Variants in ADGRL3 observed in about 807,000 individuals in gnomAD.
ADGRL3 encodes calcium-independent alpha-latrotoxin receptor 3.
In ADGRL3, 62 loss-of-function variants were observed where a neutral mutation model predicts 153.5. The ratio of observed to expected loss-of-function variants is 0.40; its 90% CI spans 0.33 to 0.50. ADGRL3 has a LOEUF of 0.50. Among genes scored for constraint, ADGRL3 ranks in the 20% least tolerant of loss-of-function variants. The pLI is 0.47. For missense variants in ADGRL3, 1,641 were observed against 1,859.4 expected (o/e 0.88, Z 2.16); for synonymous variants, 710 against 672.5 (o/e 1.06, Z -0.86).
chr4:61,775,837 C>A, intron 8 of ADGRL3: 1 of 545,760 alleles, frequency 1.8e-6, no homozygotes. Context: ...AGCAGCAATA[C>A]CTTCCTCGGC....
At chr4:61,259,279 C>T (rs1018812254) in intron 1 of ADGRL3, among the ~76,000 whole-genome samples, 3 of 151,886 alleles carry the variant, frequency 2.0e-5, no homozygotes, top group Admixed American at 6.6e-5. Context: ...AAAAATTAGC[C>T]GGGCGTGGTG....
At chr4:61,505,298 A>AT (rs1333355821) in intron 3 of ADGRL3, among the ~76,000 whole-genome samples, 1 of 151,920 alleles carries the variant, frequency 6.6e-6, no homozygotes, top group Non-Finnish European at 1.5e-5. Context: ...AATCAGATTG[A>AT]TTTTTTTCCT....
At chr4:61,302,022 C>T (rs1164169099) in intron 1 of ADGRL3, among the ~76,000 whole-genome samples, 2 of 152,048 alleles carry the variant, frequency 1.3e-5, no homozygotes, top group Non-Finnish European at 2.9e-5. Flanking sequence ...CTACTTGACT[C>T]TTACATTATA....
intron 1 of ADGRL3, among the ~76,000 whole-genome samples, chr4:61,316,742 G>C (rs1223886361): frequency 6.6e-6 from 1 of 152,106 alleles, no homozygotes; most frequent in Non-Finnish European, 1.5e-5. Flanking sequence ...TTCAGAAAAT[G>C]ATTCTATTAA....
intron 3 of ADGRL3, among the ~76,000 whole-genome samples, chr4:61,503,523 G>A (rs2098406226): frequency 6.6e-6 from 1 of 151,838 alleles, no homozygotes; most frequent in Non-Finnish European, 1.5e-5. Context: ...AATCCTCAGT[G>A]TAATTGGGTT....
chr4:61,832,801 G>C (rs890451550), intron 9 of ADGRL3, among the ~76,000 whole-genome samples: 2 of 143,126 alleles, frequency 1.4e-5, no homozygotes, highest in East Asian at 2.1e-4. Flanking sequence ...TTCTCTCTCT[G>C]TTTTCTTTTT....
intron 4 of ADGRL3, among the ~76,000 whole-genome samples, chr4:61,581,967 T>TA (rs1197167366): frequency 3.3e-5 from 5 of 152,214 alleles, no homozygotes; most frequent in Admixed American, 6.6e-5. Context: ...GATTCTTTTG[T>TA]AAAAAATTAT....
chr4:61,857,066 CTCTTTCTTTCTTTCTTTTTT>C (rs1192993829), intron 9 of ADGRL3, among the ~76,000 whole-genome samples: 5 of 147,876 alleles, frequency 3.4e-5, no homozygotes, highest in Admixed American at 6.9e-5. Context: ...CCCTCTCTCT[CTCTTTCTTTCTTTCTTTTTT>C]TCTTTCTTTC....
chr4:61,464,627 G>T (rs2097858656), intron 2 of ADGRL3, among the ~76,000 whole-genome samples: 1 of 151,750 alleles, frequency 6.6e-6, no homozygotes, highest in Admixed American at 6.6e-5. Flanking sequence ...AACTAATATG[G>T]CAATTTCTAC....
intron 1 of ADGRL3, among the ~76,000 whole-genome samples, chr4:61,236,012 T>TC (rs1208118383): frequency 1.4e-4 from 20 of 139,376 alleles, no homozygotes; most frequent in South Asian, 7.2e-4. Flanking sequence ...TCTTTTCTTT[T>TC]TTTTTTTTTT....
At chr4:61,969,389 C>A (rs2099018595) in intron 17 of ADGRL3, among the ~76,000 whole-genome samples, 1 of 152,092 alleles carries the variant, frequency 6.6e-6, no homozygotes. Context: ...CAATTGTATT[C>A]ATATGACCTT....
At position 62,070,488 on chromosome 4, in the gene ADGRL3, G is replaced by T. The variant is rs992202531; in HGVS notation, c.4212G>T (p.Leu1404=). 4.5e-5 allele frequency: 69 copies of T among 1,547,914 alleles called. No homozygotes were observed. Among genetic ancestry groups the T allele is most frequent in the Non-Finnish European group, 5.8e-5 (67 of 1,145,846 alleles). Residue 1404 remains leucine, a synonymous_variant, in exon 27 of 27, where the codon CTG becomes CTT. Transcript: ENST00000683033. ...ATGAGGAATCTGATGCTCCTTTGCT[G>T]CCCCCAAGAGTATACTCCACCGAGA... The part of the protein sequence containing the change: ...LIHEESDAPL[L]PPRVYSTENH...
At chr4:61,387,242 A>T (rs1321655988) in intron 2 of ADGRL3, among the ~76,000 whole-genome samples, 2 of 152,162 alleles carry the variant, frequency 1.3e-5, no homozygotes, top group African/African-American at 4.8e-5. Flanking sequence ...CAAGTACTTA[A>T]CAGGGTAATA....
intron 9 of ADGRL3, among the ~76,000 whole-genome samples, chr4:61,877,523 A>C (rs1007426618): frequency 6.6e-6 from 1 of 152,190 alleles, no homozygotes; most frequent in Non-Finnish European, 1.5e-5. Context: ...AGAACTACAC[A>C]CATGCACACA....
At chr4:61,707,707 G>T (rs996136951) in intron 6 of ADGRL3, among the ~76,000 whole-genome samples, 2 of 152,100 alleles carry the variant, frequency 1.3e-5, no homozygotes, top group African/African-American at 4.8e-5. Flanking sequence ...TTAAGCAAAT[G>T]AAGAAGAAGT....
At chr4:61,270,583 T>A (rs1389914076) in intron 1 of ADGRL3, among the ~76,000 whole-genome samples, 1 of 151,792 alleles carries the variant, frequency 6.6e-6, no homozygotes, top group African/African-American at 2.4e-5. Flanking sequence ...GCGTATAACA[T>A]AGCGATACAT....
intron 4 of ADGRL3, among the ~76,000 whole-genome samples, chr4:61,572,118 T>C (rs1331202073): frequency 6.6e-6 from 1 of 152,196 alleles, no homozygotes; most frequent in East Asian, 1.9e-4. Context: ...AAAATTCTTT[T>C]GGCTTTTTAT....
chr4:61,948,741 T>A (rs537519404), intron 17 of ADGRL3, among the ~76,000 whole-genome samples: 1 of 152,294 alleles, frequency 6.6e-6, no homozygotes, highest in East Asian at 1.9e-4. Context: ...TGGCATACCC[T>A]AACATAAGGA....
intron 2 of ADGRL3, among the ~76,000 whole-genome samples, chr4:61,481,695 T>A (rs2098133432): frequency 6.6e-6 from 1 of 151,720 alleles, no homozygotes; most frequent in African/African-American, 2.4e-5. Context: ...TATTAGAATA[T>A]ACATTTTAAT....
Sources: gnomAD v4.1 joint callset for allele counts (sites outside exome capture counted in the v4.1 genomes callset) on GRCh38, gnomAD v4.1.1 for gene constraint, MANE v1.5 for transcripts, NCBI Gene and HGNC (gene_info 2026-07-23, HGNC 2026-07-21) for gene names.